Variants in FBXL7 observed in about 807,000 individuals in gnomAD.
FBXL7 encodes F-box/LRR-repeat protein 7.
Under a neutral mutation model 38.3 loss-of-function variants are expected in FBXL7, and 12 were observed. That is an observed-to-expected ratio of 0.31 (90% confidence interval 0.20 to 0.51). FBXL7 has a LOEUF of 0.51. FBXL7 is among the 20% of genes least tolerant of loss of function. FBXL7 has a pLI of 0.98. For synonymous variants in FBXL7, 297 were observed against 300.9 expected (o/e 0.99, Z 0.13); for missense variants, 567 against 676.4 (o/e 0.84, Z 1.79).
At chr5:15,554,305 T>C (rs1738170092) in intron 1 of FBXL7, among the ~76,000 whole-genome samples, 1 of 152,098 alleles carries the variant, frequency 6.6e-6, no homozygotes. Flanking sequence ...CCTCACTCTA[T>C]ATCTCCCCAA....
At chr5:15,893,765 A>G (rs1741006248) in intron 2 of FBXL7, among the ~76,000 whole-genome samples, 1 of 152,248 alleles carries the variant, frequency 6.6e-6, no homozygotes, top group Non-Finnish European at 1.5e-5. Context: ...ATTAGAACTT[A>G]TATTTGAAGA....
intron 3 of FBXL7, among the ~76,000 whole-genome samples, chr5:15,934,721 C>T (rs1742131958): frequency 6.6e-6 from 1 of 152,062 alleles, no homozygotes; most frequent in Non-Finnish European, 1.5e-5. Flanking sequence ...CAGCCAAGGT[C>T]CTGAAGACTG....
At chr5:15,558,562 T>G in intron 1 of FBXL7, among the ~76,000 whole-genome samples, 1 of 152,230 alleles carries the variant, frequency 6.6e-6, no homozygotes, top group Non-Finnish European at 1.5e-5. Flanking sequence ...GGATTTACTT[T>G]GGAAATAGGC....
intron 2 of FBXL7, among the ~76,000 whole-genome samples, chr5:15,705,296 A>G (rs953624095): frequency 4.6e-5 from 7 of 152,226 alleles, no homozygotes; most frequent in Non-Finnish European, 8.8e-5. Flanking sequence ...CCTTTTGTCT[A>G]CAACAGTGCT....
At chr5:15,587,701 A>G (rs1409120101) in intron 1 of FBXL7, among the ~76,000 whole-genome samples, 2 of 152,250 alleles carry the variant, frequency 1.3e-5, no homozygotes, top group Admixed American at 1.3e-4. Context: ...CTATTAAGAG[A>G]TGAAAACACT....
At chr5:15,615,834 G>C in intron 1 of FBXL7, 149 bp from the exon 2 acceptor site, 1 of 515,322 alleles carries the variant, frequency 1.9e-6, no homozygotes, top group Non-Finnish European at 3.5e-6. Flanking sequence ...TAATGCATAA[G>C]GCAAAAAAAA....
intron 1 of FBXL7, among the ~76,000 whole-genome samples, chr5:15,598,440 C>T (rs1268426922): frequency 6.6e-6 from 1 of 152,108 alleles, no homozygotes; most frequent in Non-Finnish European, 1.5e-5. Context: ...TTGAGATACA[C>T]CTTTGGTTAA....
At chr5:15,591,461 A>G (rs1739472841) in intron 1 of FBXL7, among the ~76,000 whole-genome samples, 1 of 151,644 alleles carries the variant, frequency 6.6e-6, no homozygotes, top group Admixed American at 6.6e-5. Context: ...GAATTTTACC[A>G]TGGGGCTAGG....
At chr5:15,624,909 G>C (rs1740763173) in intron 2 of FBXL7, among the ~76,000 whole-genome samples, 1 of 147,394 alleles carries the variant, frequency 6.8e-6, no homozygotes, top group South Asian at 2.2e-4. Flanking sequence ...GCATTAAAAA[G>C]AGTCTGGCTT....
At chr5:15,610,304 C>T (rs891115084) in intron 1 of FBXL7, among the ~76,000 whole-genome samples, 7 of 152,164 alleles carry the variant, frequency 4.6e-5, no homozygotes, top group African/African-American at 1.7e-4. Context: ...CTGCTCCCCT[C>T]CTGTGCCTCT....
intron 1 of FBXL7, among the ~76,000 whole-genome samples, chr5:15,503,572 A>G (rs1033224023): frequency 1.3e-5 from 2 of 152,186 alleles, no homozygotes; most frequent in African/African-American, 4.8e-5. Context: ...TGTTTTCTGT[A>G]CCTTACTTCC....
At chr5:15,544,270 C>T (rs1490073044) in intron 1 of FBXL7, among the ~76,000 whole-genome samples, 1 of 152,176 alleles carries the variant, frequency 6.6e-6, no homozygotes, top group African/African-American at 2.4e-5. Flanking sequence ...GGCTAAGCCC[C>T]AATTCTGGGG....
At chr5:15,733,335 C>G (rs1284098200) in intron 2 of FBXL7, among the ~76,000 whole-genome samples, 1 of 152,006 alleles carries the variant, frequency 6.6e-6, no homozygotes, top group Non-Finnish European at 1.5e-5. Flanking sequence ...TCATGATCCA[C>G]CCGCCTCAGC....
chr5:15,665,581 A>T lies in FBXL7; in HGVS notation c.127+49509A>T, dbSNP rs116395143. Among the ~76,000 whole-genome samples the T allele has an allele frequency of 7.0e-3, 1,059 of 152,276 alleles. 5 individuals are homozygous for T. The highest frequency in any genetic ancestry group is 0.011 in the Non-Finnish European group (715 of 68,020). ...TACACCCTAAATTGTTATGACTTTG[A>T]AGTTGTTTACCATCTAGATGCAGTT... On this transcript the variant is annotated intron_variant, in intron 2 of 3. Coordinates refer to ENST00000504595, the MANE Select transcript of FBXL7 (RefSeq NM_012304.5).
intron 2 of FBXL7, among the ~76,000 whole-genome samples, chr5:15,703,439 A>G (rs987081062): frequency 7.9e-5 from 12 of 152,232 alleles, no homozygotes; most frequent in African/African-American, 2.9e-4. Context: ...AGTGTCTGGT[A>G]ATACTGACAT....
intron 1 of FBXL7, among the ~76,000 whole-genome samples, chr5:15,574,401 A>C (rs1014915459): frequency 6.6e-6 from 1 of 152,244 alleles, no homozygotes. Flanking sequence ...ATTTTTTAGG[A>C]TGAAATAAAT....
At chr5:15,616,169 G>C in intron 2 of FBXL7, 97 bp downstream of exon 2, 1 of 778,102 alleles carries the variant, frequency 1.3e-6, no homozygotes, top group Non-Finnish European at 2.1e-6. Flanking sequence ...CTATTCTCCT[G>C]AGTGGGAGCA....
Position 15,848,147 on chromosome 5 carries a change from G to A in FBXL7, c.128-79743G>A, listed in dbSNP as rs376916416. On this transcript the variant is annotated intron_variant, in intron 2 of 3. Coordinates refer to ENST00000504595, the MANE Select transcript of FBXL7 (RefSeq NM_012304.5). ...ATCCAGCAGTTGTACTGCTAGAAAT[G>A]TATTGGACAAAAATATCAAAGTGTA... is the stretch of plus-strand genomic sequence containing the variant. Among the ~76,000 whole-genome samples, 133 of 152,268 alleles carry A rather than the reference G, an allele frequency of 8.7e-4. 1 individual carries two copies. Among genetic ancestry groups the A allele is most frequent in the African/African-American group, 3.1e-3 (130 of 41,550 alleles).
At chr5:15,560,785 G>C (rs866786012) in intron 1 of FBXL7, among the ~76,000 whole-genome samples, 4 of 151,996 alleles carry the variant, frequency 2.6e-5, no homozygotes, top group Admixed American at 6.6e-5. Flanking sequence ...TCCCCGCTGG[G>C]ATGTCTCCAT....
Sources: allele counts gnomAD v4.1 joint callset (sites outside exome capture counted in the v4.1 genomes callset), GRCh38; gene constraint gnomAD v4.1.1; transcripts MANE v1.5; gene names NCBI Gene and HGNC (gene_info 2026-07-23, HGNC 2026-07-21).